Variants in CATSPERB observed in about 807,000 individuals in gnomAD.
CATSPERB encodes the protein cation channel sperm-associated auxiliary subunit beta.
Under a neutral mutation model 128.3 loss-of-function variants are expected in CATSPERB, and 93 were observed. The ratio of observed to expected loss-of-function variants is 0.72; its 90% CI spans 0.61 to 0.86. CATSPERB has a LOEUF of 0.86. Among genes scored for constraint, CATSPERB ranks in the 40% least tolerant of loss-of-function variants. The pLI, the probability that CATSPERB is intolerant of heterozygous loss-of-function variation, is 0.00. For synonymous variants in CATSPERB, 381 were observed against 448.8 expected, an observed-to-expected ratio of 0.85 and a Z score of 1.91; for missense variants, 1,153 against 1,329.5, an observed-to-expected ratio of 0.87 and a Z score of 2.06.
In CATSPERB at chr14:91,664,348, C is replaced by T. The variant is rs527664553; in HGVS notation, c.1288-4367G>A. On this transcript the variant is annotated intron_variant, in intron 14 of 26. Transcript: ENST00000256343. The stretch of plus-strand genomic sequence containing the variant: ...TGGTGCAATCTCGGCTCACTGCAAC[C>T]TCTGCCTCCCCAGTTCAAGCGATTC... Among the ~76,000 whole-genome samples the T allele has an allele frequency of 2.7e-5, 4 of 147,622 alleles. No individual in the cohort carries two copies. In the East Asian group the frequency reaches 8.1e-4, roughly 30 times the overall value.
At chr14:91,709,974 A>T (rs752978162) in intron 5 of CATSPERB, 3 of 152,716 alleles carry the variant, frequency 2.0e-5, no homozygotes, top group Non-Finnish European at 4.4e-5. Flanking sequence ...AACACAGAAG[A>T]AGTATTGATC....
At chr14:91,640,816 CCA>C (rs1269989025) in intron 15 of CATSPERB, among the ~76,000 whole-genome samples, 16 of 133,888 alleles carry the variant, frequency 1.2e-4, no homozygotes, top group Admixed American at 3.1e-4. Context: ...TGAGGAATCG[CCA>C]CACTGACTTC....
At chr14:91,686,491 A>G (rs1895377828) in intron 10 of CATSPERB, among the ~76,000 whole-genome samples, 1 of 152,168 alleles carries the variant, frequency 6.6e-6, no homozygotes, top group South Asian at 2.1e-4. Context: ...TTATTTAAAG[A>G]TAGATCCTTA....
intron 26 of CATSPERB, among the ~76,000 whole-genome samples, chr14:91,581,422 G>A (rs1272501097): frequency 1.3e-5 from 2 of 152,208 alleles, no homozygotes; most frequent in African/African-American, 4.8e-5. Flanking sequence ...AAAGAGCTCT[G>A]GGAATGTGGA....
intron 18 of CATSPERB, among the ~76,000 whole-genome samples, 173 bp downstream of exon 18, chr14:91,624,647 A>C (rs531424875): frequency 6.6e-6 from 1 of 152,136 alleles, no homozygotes; most frequent in Admixed American, 6.5e-5. Context: ...TTGCCAAAAA[A>C]AAAAAAAACA....
At chr14:91,706,448 C>G (rs1046162360) in intron 6 of CATSPERB, among the ~76,000 whole-genome samples, 4 of 152,164 alleles carry the variant, frequency 2.6e-5, no homozygotes, top group Non-Finnish European at 5.9e-5. Flanking sequence ...GGTAGTATAT[C>G]TTAAGCATTT....
intron 22 of CATSPERB, chr14:91,605,073 T>G (rs1893675789): frequency 1.6e-6 from 2 of 1,226,526 alleles, no homozygotes; most frequent in Non-Finnish European, 2.4e-6. Flanking sequence ...TTTCTGGCAC[T>G]CTTCTCTGCA....
chr14:91,604,524 C>T, intron 22 of CATSPERB: 2 of 1,605,200 alleles, frequency 1.2e-6, no homozygotes, highest in Non-Finnish European at 1.7e-6. Context: ...GCTTCCAAGG[C>T]AGCCTCCAAG....
chr14:91,635,181 A>G (rs1894349727), intron 17 of CATSPERB, among the ~76,000 whole-genome samples: 1 of 152,022 alleles, frequency 6.6e-6, no homozygotes, highest in Admixed American at 6.6e-5. Flanking sequence ...CTCATGACCT[A>G]GTCACCTACC....
chr14:91,690,118 G>A (rs556733009), intron 10 of CATSPERB, among the ~76,000 whole-genome samples: 9 of 151,954 alleles, frequency 5.9e-5, no homozygotes, highest in Non-Finnish European at 1.2e-4. Context: ...TCAGCCTCCC[G>A]AGTAGCTGGG....
At chr14:91,708,259 T>G (rs962172312) in intron 5 of CATSPERB, 23 bp from the exon 6 acceptor site, 1 of 1,432,582 alleles carries the variant, frequency 7.0e-7, no homozygotes, top group African/African-American at 1.4e-5. Flanking sequence ...AAAAGGCAAA[T>G]AATCAACTAT....
chr14:91,678,393 A>C (rs1895227138), intron 11 of CATSPERB, among the ~76,000 whole-genome samples: 1 of 152,216 alleles, frequency 6.6e-6, no homozygotes, highest in Non-Finnish European at 1.5e-5. Flanking sequence ...GCTATCTTTT[A>C]TAAAATGATG....
At chr14:91,685,070 G>T (rs1895350162) in intron 10 of CATSPERB, among the ~76,000 whole-genome samples, 1 of 152,022 alleles carries the variant, frequency 6.6e-6, no homozygotes, top group African/African-American at 2.4e-5. Context: ...GGGACTACAG[G>T]TGTGCACCAC....
chr14:91,607,908 T>C (rs530120312), intron 22 of CATSPERB, among the ~76,000 whole-genome samples: 210 of 152,228 alleles, frequency 1.4e-3, no homozygotes, highest in African/African-American at 4.9e-3. Context: ...GGTTATTTTC[T>C]AGGCAGAATC....
rs554343099 is a variant in CATSPERB, at chr14:91,651,242, T to G, written c.1432+8595A>C. 2.0e-5 allele frequency among the ~76,000 whole-genome samples: 3 copies of G among 152,282 alleles called. No homozygotes were observed. The South Asian group carries it at 6.2e-4, about 32-fold the overall frequency. On this transcript the variant is annotated intron_variant, in intron 15 of 26. Transcript: ENST00000256343. The stretch of plus-strand genomic sequence containing the variant: ...AGTTTTCATCCTCTTTCTTCTTGCT[T>G]TGGTGGTGTGGTTTTGTGGTGGCTG...
At chr14:91,623,179 G>C (rs1894087797) in intron 18 of CATSPERB, among the ~76,000 whole-genome samples, 1 of 152,188 alleles carries the variant, frequency 6.6e-6, no homozygotes, top group African/African-American at 2.4e-5. Context: ...ACAGGCATGA[G>C]CCACCATACC....
At chr14:91,665,361 G>T (rs1401822406) in intron 14 of CATSPERB, among the ~76,000 whole-genome samples, 1 of 152,112 alleles carries the variant, frequency 6.6e-6, no homozygotes, top group Non-Finnish European at 1.5e-5. Context: ...AAAAATGACA[G>T]AAAATGAGTA....
At chr14:91,678,809 AT>A (rs1026497324) in intron 11 of CATSPERB, among the ~76,000 whole-genome samples, 1 of 152,018 alleles carries the variant, frequency 6.6e-6, no homozygotes, top group Non-Finnish European at 1.5e-5. Flanking sequence ...TGTTTGTATG[AT>A]TTTTTTTGAT....
At chr14:91,712,293 A>G (rs1166620390) in intron 5 of CATSPERB, among the ~76,000 whole-genome samples, 3 of 152,202 alleles carry the variant, frequency 2.0e-5, no homozygotes, top group Non-Finnish European at 2.9e-5. Flanking sequence ...TCTATGGCAT[A>G]TATCTGGTCA....
Sources: allele counts gnomAD v4.1 joint callset (sites outside exome capture counted in the v4.1 genomes callset), GRCh38; gene constraint gnomAD v4.1.1; transcripts MANE v1.5; gene names NCBI Gene and HGNC (gene_info 2026-07-23, HGNC 2026-07-21).